EXOC6B: variants seen among roughly 807,000 people sequenced by gnomAD.
EXOC6B encodes SEC15 homolog B.
A neutral mutation model predicts 113.5 loss-of-function variants in EXOC6B; 54 were observed. The observed-to-expected ratio is 0.48, with a 90% CI of 0.38 to 0.60. The LOEUF is 0.60. EXOC6B is among the 20% of genes least tolerant of loss of function. The pLI is 0.00. For synonymous variants in EXOC6B, 357 were observed against 339.0 expected (o/e 1.05, Z -0.58); for missense variants, 797 against 977.5 (o/e 0.82, Z 2.46).
chr2:72,684,252 T>G (rs1181281211), intron 6 of EXOC6B, among the ~76,000 whole-genome samples: 1 of 152,084 alleles, frequency 6.6e-6, no homozygotes, highest in Non-Finnish European at 1.5e-5. Flanking sequence ...ATCCCTTTCA[T>G]CTCTTATTCC....
intron 18 of EXOC6B, among the ~76,000 whole-genome samples, chr2:72,401,603 G>GTA (rs1693275928): frequency 6.4e-5 from 1 of 15,508 alleles, no homozygotes; most frequent in Non-Finnish European, 1.2e-4. Flanking sequence ...ATATATATAT[G>GTA]TGTATATATA....
chr2:72,773,174 T>G (rs963677332), intron 1 of EXOC6B, among the ~76,000 whole-genome samples: 2 of 144,490 alleles, frequency 1.4e-5, no homozygotes, highest in African/African-American at 5.2e-5. Flanking sequence ...TTGCCCAGGC[T>G]GGAGTGCAGT....
At chr2:72,475,888 T>C (rs946370904) in intron 17 of EXOC6B, among the ~76,000 whole-genome samples, 1 of 152,188 alleles carries the variant, frequency 6.6e-6, no homozygotes, top group Admixed American at 6.5e-5. Context: ...GCATGCATCA[T>C]GATAGCATCT....
chr2:72,680,292 A>G (rs1449291008), intron 6 of EXOC6B, among the ~76,000 whole-genome samples: 1 of 152,222 alleles, frequency 6.6e-6, no homozygotes, highest in African/African-American at 2.4e-5. Flanking sequence ...TAGCTATGTA[A>G]CAATTGACAA....
chr2:72,185,148 A>G (rs1678341580), intron 20 of EXOC6B, among the ~76,000 whole-genome samples: 1 of 152,292 alleles, frequency 6.6e-6, no homozygotes, highest in Non-Finnish European at 1.5e-5. Flanking sequence ...CCAGACTCAT[A>G]TCACTGCATA....
intron 6 of EXOC6B, among the ~76,000 whole-genome samples, chr2:72,582,403 G>A (rs1336747863): frequency 6.6e-6 from 1 of 152,082 alleles, no homozygotes; most frequent in Non-Finnish European, 1.5e-5. Context: ...TGTGATCCCA[G>A]CTATTCTGGA....
chr2:72,366,678 A>G (rs919772745), intron 19 of EXOC6B, among the ~76,000 whole-genome samples: 1 of 152,126 alleles, frequency 6.6e-6, no homozygotes, highest in Non-Finnish European at 1.5e-5. Context: ...GAAAATCTCA[A>G]AAAAGTAGAG....
At position 72,194,597 on chromosome 2, in the gene EXOC6B, C is replaced by G. The variant is rs535965601; in HGVS notation, c.2197-10410G>C. ...TCTCTCTCTCTCTCTCTCTCTCTCTCTGTGTGTGTGTGTGCATATGTGTGT... is the reference window on the plus strand; with the variant it reads ...TCTCTCTCTCTCTCTCTCTCTCTCTGTGTGTGTGTGTGTGCATATGTGTGT... On this transcript the variant is annotated intron_variant, in intron 20 of 21. Coordinates refer to ENST00000272427, the MANE Select transcript of EXOC6B (RefSeq NM_015189.3). 2.8e-3 allele frequency among the ~76,000 whole-genome samples: 415 copies of G among 147,398 alleles called. 5 individuals carry two copies. The highest frequency in any genetic ancestry group is 6.7e-3 in the South Asian group (31 of 4,656).
intron 1 of EXOC6B, among the ~76,000 whole-genome samples, chr2:72,778,875 A>G (rs1338123373): frequency 6.6e-6 from 1 of 152,228 alleles, no homozygotes; most frequent in Non-Finnish European, 1.5e-5. Flanking sequence ...AAAATATAAT[A>G]GAGCAAACAA....
At chr2:72,765,357 T>G (rs1446976023) in intron 1 of EXOC6B, among the ~76,000 whole-genome samples, 1 of 152,116 alleles carries the variant, frequency 6.6e-6, no homozygotes, top group East Asian at 1.9e-4. Flanking sequence ...GTTTATGATA[T>G]TCTTTCCTGA....
intron 6 of EXOC6B, among the ~76,000 whole-genome samples, chr2:72,678,722 G>A (rs1210443500): frequency 6.6e-6 from 1 of 152,066 alleles, no homozygotes; most frequent in Non-Finnish European, 1.5e-5. Context: ...CAACAAAAAA[G>A]GAAATGGAGC....
At chr2:72,512,797 A>G (rs1387419563) in intron 11 of EXOC6B, among the ~76,000 whole-genome samples, 1 of 152,010 alleles carries the variant, frequency 6.6e-6, no homozygotes, top group African/African-American at 2.4e-5. Flanking sequence ...TATAAGGTAA[A>G]TATAATAATA....
intron 20 of EXOC6B, among the ~76,000 whole-genome samples, chr2:72,325,884 C>G (rs1181021776): frequency 6.6e-6 from 1 of 151,992 alleles, no homozygotes; most frequent in African/African-American, 2.4e-5. Context: ...CTGGATTCTC[C>G]TTTTGGTCCT....
intron 1 of EXOC6B, among the ~76,000 whole-genome samples, chr2:72,806,793 CTTTT>C (rs1418791461): frequency 6.7e-6 from 1 of 149,328 alleles, no homozygotes; most frequent in African/African-American, 2.5e-5. Context: ...TGATGTTGAG[CTTTT>C]TTTTTTCATA....
At chr2:72,745,514 T>C (rs906898179) in intron 1 of EXOC6B, among the ~76,000 whole-genome samples, 1 of 152,080 alleles carries the variant, frequency 6.6e-6, no homozygotes, top group Non-Finnish European at 1.5e-5. Flanking sequence ...ATAAAGACTA[T>C]ATTTAAAAGA....
At chr2:72,226,428 CA>C (rs1681245285) in intron 20 of EXOC6B, among the ~76,000 whole-genome samples, 1 of 151,976 alleles carries the variant, frequency 6.6e-6, no homozygotes, top group Non-Finnish European at 1.5e-5. Flanking sequence ...ATTATTCCCC[CA>C]AAAGTTTATT....
intron 20 of EXOC6B, among the ~76,000 whole-genome samples, chr2:72,211,755 A>AT (rs1383274414): frequency 2.6e-5 from 4 of 152,194 alleles, no homozygotes; most frequent in Non-Finnish European, 2.9e-5. Flanking sequence ...AACCAATGTG[A>AT]TTTTAGATAA....
At chr2:72,357,946 C>A (rs1432275265) in intron 19 of EXOC6B, among the ~76,000 whole-genome samples, 1 of 152,006 alleles carries the variant, frequency 6.6e-6, no homozygotes, top group Non-Finnish European at 1.5e-5. Flanking sequence ...ACAATGAAAC[C>A]ACCTTACGAA....
intron 18 of EXOC6B, among the ~76,000 whole-genome samples, chr2:72,460,013 G>C (rs1025671321): frequency 2.4e-4 from 37 of 152,166 alleles, no homozygotes; most frequent in East Asian, 7.8e-4. Context: ...CAGAGATATA[G>C]ATCAATGGAA....
Sources: allele counts gnomAD v4.1 joint callset (sites outside exome capture counted in the v4.1 genomes callset), GRCh38; gene constraint gnomAD v4.1.1; transcripts MANE v1.5; gene names NCBI Gene and HGNC (gene_info 2026-07-23, HGNC 2026-07-21).